The following VPS13A variants were observed in gnomAD, a reference collection of about 807,000 sequenced individuals.
The protein encoded by VPS13A is intermembrane lipid transfer protein VPS13A.
Under a neutral mutation model 390.9 loss-of-function variants are expected in VPS13A, and 264 were observed. The ratio of observed to expected loss-of-function variants is 0.68; its 90% confidence interval spans 0.61 to 0.75. VPS13A has a LOEUF of 0.75. Among genes scored for constraint, VPS13A ranks in the 30% least tolerant of loss-of-function variants. The pLI, the probability that VPS13A is intolerant of heterozygous loss-of-function variation, is 0.00. For missense variants in VPS13A, 3,409 were observed against 3,733.9 expected (o/e 0.91, Z 2.27); for synonymous variants, 1,231 against 1,227.1 (o/e 1.00, Z -0.07).
rs1049148095 is a variant in VPS13A at position 77,327,115 on chromosome 9, GT to G, written c.5991+3895del. 9.1e-4 allele frequency among the ~76,000 whole-genome samples: 139 copies of G among 152,250 alleles called. 1 individual carries two copies. The highest frequency in any genetic ancestry group is 1.4e-3 in the Non-Finnish European group (92 of 68,030). On this transcript the variant is annotated intron_variant, in intron 45 of 71. Coordinates refer to ENST00000360280, the MANE Select transcript of VPS13A (RefSeq NM_033305.3). Reference sequence around the variant, plus strand: ...GCTGGGTAGTCATAGGGCTTATGTAGTTTTTTTGTTTTTGTTTTTCCCTTGT... The same window carrying G: ...GCTGGGTAGTCATAGGGCTTATGTAGTTTTTTGTTTTTGTTTTTCCCTTGT...
At chr9:77,203,739 T>G in intron 3 of VPS13A, among the ~76,000 whole-genome samples, 1 of 152,252 alleles carries the variant, frequency 6.6e-6, no homozygotes, top group East Asian at 1.9e-4. Context: ...AGTCTGTTGG[T>G]ACATTTATAA....
Position 77,415,944 on chromosome 9 carries a change from T to C in VPS13A, c.9475-12T>C. ...TGAAGTAAGCAAATGTTCATTTATT[T>C]TCCCACCGCAGTGGATCCTCACAAA... On this transcript the variant is annotated splice_polypyrimidine_tract_variant and intron_variant, in intron 71 of 71. Coordinates refer to ENST00000360280, the MANE Select transcript of VPS13A (RefSeq NM_033305.3). 6.2e-7 allele frequency: 1 copy of C among 1,613,134 alleles called. No individual in the cohort carries two copies. Among genetic ancestry groups the C allele is most frequent in the Non-Finnish European group, 8.5e-7 (1 of 1,179,240 alleles).
At chr9:77,245,624 A>G (rs940039194) in intron 19 of VPS13A, among the ~76,000 whole-genome samples, 1 of 152,156 alleles carries the variant, frequency 6.6e-6, no homozygotes, top group Admixed American at 6.5e-5. Flanking sequence ...CTTACAGGCT[A>G]TGGGAAATGC....
At position 77,195,743 on chromosome 9, in the gene VPS13A, G is replaced by GA. The variant is rs958564496; in HGVS notation, c.101-4193dup. On this transcript the variant is annotated intron_variant, in intron 1 of 71. Coordinates refer to ENST00000360280, the MANE Select transcript of VPS13A (RefSeq NM_033305.3). ...CACAGCGAGACTCCGTCTCAAAAAAGAAAAAAAAAGAAAACGAATGCTTTA... is the reference window on the plus strand; with the variant it reads ...CACAGCGAGACTCCGTCTCAAAAAAGAAAAAAAAAAGAAAACGAATGCTTTA... 8.7e-5 allele frequency among the ~76,000 whole-genome samples: 13 copies of GA among 149,670 alleles called. 1 individual carries two copies. The highest frequency in any genetic ancestry group is 2.0e-4 in the Admixed American group (3 of 15,090).
intron 68 of VPS13A, among the ~76,000 whole-genome samples, chr9:77,401,465 T>A (rs1834391682): frequency 6.6e-6 from 1 of 152,108 alleles, no homozygotes; most frequent in Admixed American, 6.6e-5. Flanking sequence ...AAATTTCTTT[T>A]ACTCCCCTGA....
intron 47 of VPS13A, chr9:77,337,862 A>T (rs1830617801): frequency 5.0e-6 from 1 of 200,620 alleles, no homozygotes; most frequent in Admixed American, 5.4e-5. Context: ...AGGAATCCAT[A>T]CATCTTAAGA....
intron 50 of VPS13A, 25 bp downstream of exon 50, chr9:77,340,575 T>C (rs779115486): frequency 1.2e-6 from 2 of 1,611,232 alleles, no homozygotes; most frequent in South Asian, 2.2e-5. Context: ...TTCAAAAATA[T>C]ACCTCTTTGG....
At position 77,370,937 on chromosome 9, in the gene VPS13A, C is replaced by T. The variant is rs563489902; in HGVS notation, c.8953+2C>T. The T allele has an allele frequency of 2.5e-6, 4 of 1,614,006 alleles. No homozygotes were observed. The highest frequency in any genetic ancestry group is 1.3e-5 in the African/African-American group (1 of 75,030). ...GAATTGTTACAAAACCAATCAAAGG[C>T]AAGTATAGTAGTTCCTTTGCAAGTC... On this transcript the variant is annotated splice_donor_variant, in intron 66 of 71. Coordinates refer to ENST00000360280, the MANE Select transcript of VPS13A (RefSeq NM_033305.3). LOFTEE classifies it low-confidence loss of function (GC_TO_GT_DONOR).
chr9:77,353,814 A>G (rs1831609322), intron 54 of VPS13A, among the ~76,000 whole-genome samples, 173 bp downstream of exon 54: 1 of 152,112 alleles, frequency 6.6e-6, no homozygotes, highest in South Asian at 2.1e-4. Flanking sequence ...CTTTTGAAAT[A>G]AAGATATGGC....
chr9:77,319,315 G>A (rs1007973457), intron 41 of VPS13A, among the ~76,000 whole-genome samples: 5 of 151,238 alleles, frequency 3.3e-5, no homozygotes, highest in Non-Finnish European at 5.9e-5. Context: ...TGAAGAATTA[G>A]AAATATATGC....
intron 59 of VPS13A, among the ~76,000 whole-genome samples, chr9:77,363,411 T>C (rs549347660): frequency 6.9e-6 from 1 of 145,594 alleles, no homozygotes; most frequent in South Asian, 2.3e-4. Context: ...TTTATTTTTT[T>C]TTTTTTTTGA....
chr9:77,300,058 A>G (rs1587526279), intron 33 of VPS13A, among the ~76,000 whole-genome samples: 1 of 152,224 alleles, frequency 6.6e-6, no homozygotes, highest in Admixed American at 6.5e-5. Context: ...AAACCTGCAC[A>G]TTCTGCACAT....
rs7872010 is a variant in VPS13A at position 77,384,908 on chromosome 9, T to C, written c.9189+2821T>C. 0.092 allele frequency: 125,432 copies of C among 1,356,678 alleles called. 6,235 individuals carry two copies. The highest frequency in any genetic ancestry group is 0.14 in the South Asian group (8,485 of 61,218). 84.0% of individuals were successfully genotyped at this position (1,356,678 alleles called of 1,614,324 possible). On this transcript the variant is annotated intron_variant, in intron 68 of 71. Transcript: ENST00000360280. ...GCATCCAACATATTATAGATTTGCT[T>C]TTATATATTTTATAGCTTTGTATTG... is the stretch of plus-strand genomic sequence containing the variant.
At chr9:77,311,113 A>G (rs1394346264) in intron 35 of VPS13A, among the ~76,000 whole-genome samples, 2 of 151,898 alleles carry the variant, frequency 1.3e-5, no homozygotes, top group Non-Finnish European at 2.9e-5. Flanking sequence ...TTTAGTAGAG[A>G]TGGGGTTTCA....
intron 23 of VPS13A, among the ~76,000 whole-genome samples, chr9:77,268,577 T>C (rs1255067795): frequency 6.6e-6 from 1 of 152,142 alleles, no homozygotes; most frequent in African/African-American, 2.4e-5. Context: ...AGCTGCAGGT[T>C]GGAGTTGTTC....
rs75759737 is a variant in VPS13A at position 77,355,580 on chromosome 9, A to T, written c.7653-1134A>T. Among the ~76,000 whole-genome samples the T allele has an allele frequency of 4.4e-3, 668 of 152,270 alleles. 3 individuals are homozygous for T. The highest frequency in any genetic ancestry group is 0.015 in the African/African-American group (632 of 41,554). The stretch of plus-strand genomic sequence containing the variant: ...TCTGACCTTAAGACTTCATATATCC[A>T]ACTGTGCATGCAAAATCTCTATTCA... On this transcript the variant is annotated intron_variant, in intron 54 of 71. Transcript: ENST00000360280.
intron 10 of VPS13A, among the ~76,000 whole-genome samples, chr9:77,215,172 T>C (rs1049869402): frequency 3.3e-5 from 5 of 152,228 alleles, no homozygotes; most frequent in Non-Finnish European, 5.9e-5. Flanking sequence ...TGCTGTTTTT[T>C]CTATGATAAG....
At position 77,345,090 on chromosome 9, in the gene VPS13A, A is replaced by G. The variant is rs1057515659; in HGVS notation, c.7237A>G (p.Thr2413Ala). The change falls in exon 52 of 72, where the codon ACA becomes GCA. Residue 2413 changes from threonine (T) to alanine (A), a missense_variant. Around this residue, in one of 5 missense-constraint regions of VPS13A, gnomAD observed 2,717 missense variants for 2,917.4 expected, o/e 0.93. Transcript: ENST00000360280. ...TFLDYHDGAA[T>A]FLLINHTKNE... ...TTTAGATTATCATGATGGAGCAGCT[A>G]CATTCCTCTTAATAAATCACACAAA... is the stretch of plus-strand genomic sequence containing the variant. 1 of 1,613,326 alleles carries G rather than the reference A, an allele frequency of 6.2e-7. No homozygotes were observed. The highest frequency in any genetic ancestry group is 8.5e-7 in the Non-Finnish European group (1 of 1,179,794).
intron 71 of VPS13A, among the ~76,000 whole-genome samples, chr9:77,413,232 T>C (rs1276786312): frequency 1.3e-5 from 2 of 152,072 alleles, no homozygotes; most frequent in Admixed American, 6.5e-5. Flanking sequence ...CTTCACAGAA[T>C]TGGAAAAAAC....
Sources: allele counts gnomAD v4.1 joint callset (sites outside exome capture counted in the v4.1 genomes callset), GRCh38; gene constraint gnomAD v4.1.1; regional missense constraint gnomAD v4.1.1; transcripts MANE v1.5; gene names NCBI Gene and HGNC (gene_info 2026-07-23, HGNC 2026-07-21).